The following IKBKB variants were observed in gnomAD, a reference collection of about 807,000 sequenced individuals.
IKBKB encodes the protein inhibitor of nuclear factor kappa-B kinase subunit beta.
IKBKB carries 42 observed loss-of-function variants against 113.6 expected under a neutral mutation model. That is an observed-to-expected ratio of 0.37 (90% CI 0.29 to 0.48). IKBKB has a LOEUF of 0.48. IKBKB is among the 20% of genes least tolerant of loss of function. The pLI is 0.99. For missense variants in IKBKB, 673 were observed against 939.7 expected (o/e 0.72, Z 3.71); for synonymous variants, 296 against 361.3 (o/e 0.82, Z 2.05).
At chr8:42,302,196 T>C (rs754526995) in intron 5 of IKBKB, among the ~76,000 whole-genome samples, 1 of 152,226 alleles carries the variant, frequency 6.6e-6, no homozygotes, top group African/African-American at 2.4e-5. Context: ...ATTTAATTTA[T>C]TATGCTTTTT....
intron 19 of IKBKB, 125 bp from the exon 20 acceptor site, chr8:42,325,845 G>A: frequency 6.7e-7 from 1 of 1,501,460 alleles, no homozygotes; most frequent in Non-Finnish European, 8.8e-7. Flanking sequence ...GTGCCAACTG[G>A]TAGGCTGTAG....
chr8:42,271,614 C>T (rs1193772198), intron 1 of IKBKB, 145 bp downstream of exon 1: 5 of 544,830 alleles, frequency 9.2e-6, no homozygotes, highest in Admixed American at 3.7e-5. Context: ...GGTTGGAGTT[C>T]GGGAAGCCGG....
At position 42,319,213 on chromosome 8, in the gene IKBKB, G is replaced by A. The variant is rs1819295883; in HGVS notation, c.1365-57G>A. The A allele has an allele frequency of 1.5e-5, 23 of 1,547,622 alleles. 2 individuals carry two copies. The South Asian group carries it at 2.6e-4, about 17-fold the overall frequency. On this transcript the variant is annotated intron_variant, in intron 13 of 21. Transcript: ENST00000520810. ...TTTGAGGGGGTTTTGTTATTGTACA[G>A]GAAATGGAATTTGGATCCCAGAGAT...
chr8:42,314,774 CAAA>C (rs915998732), intron 9 of IKBKB, among the ~76,000 whole-genome samples: 5 of 112,792 alleles, frequency 4.4e-5, no homozygotes, highest in Non-Finnish European at 3.7e-5. Context: ...GACTCCATCT[CAAA>C]AAAAAAAAAA....
intron 21 of IKBKB, chr8:42,329,631 G>A (rs1821428840): frequency 2.0e-6 from 2 of 984,718 alleles, no homozygotes; most frequent in Non-Finnish European, 1.2e-6. Flanking sequence ...TTCCGATGAT[G>A]AGGAAGAAGG....
chr8:42,298,024 G>T, intron 5 of IKBKB: 1 of 905,136 alleles, frequency 1.1e-6, no homozygotes, highest in Non-Finnish European at 1.3e-6. Flanking sequence ...ATGTGGAGCA[G>T]CTGGAAATGA....
rs143150662 is a variant in IKBKB at position 42,323,577 on chromosome 8, A to T, written c.1986+1083A>T. Among the ~76,000 whole-genome samples the T allele has an allele frequency of 3.4e-3, 518 of 152,232 alleles. 2 individuals are homozygous for T. Among genetic ancestry groups the T allele is most frequent in the African/African-American group, 0.011 (448 of 41,554 alleles). On this transcript the variant is annotated intron_variant, in intron 19 of 21. Transcript: ENST00000520810. ...TTCCCTTAAGAGCAAAGGGAAGGAG[A>T]GAGGGAGATGGTTGCTCATGGTGGA...
chr8:42,300,827 G>A (rs756999189), intron 5 of IKBKB, among the ~76,000 whole-genome samples: 21 of 152,142 alleles, frequency 1.4e-4, no homozygotes, highest in Non-Finnish European at 2.6e-4. Flanking sequence ...TGTTTTTCCT[G>A]CATACACTGC....
At chr8:42,322,235 C>T (rs891134121) in intron 18 of IKBKB, 82 bp downstream of exon 18, 42 of 1,550,190 alleles carry the variant, frequency 2.7e-5, no homozygotes, top group African/African-American at 2.3e-4. Flanking sequence ...CTCTCTGATT[C>T]GCTGGACCTC....
chr8:42,321,853 T>C lies in IKBKB; in HGVS notation c.1689-43T>C, dbSNP rs142947392. ...ACCAAAAAAATGTAAAAATTAGCCA[T>C]ATTTGACCTCAAGTCTAGACAGAAC... On this transcript the variant is annotated intron_variant, in intron 16 of 21. Transcript: ENST00000520810. 372 of 1,445,478 alleles carry C rather than the reference T, an allele frequency of 2.6e-4. 3 individuals are homozygous for C. The African/African-American group carries it at 4.4e-3, about 17-fold the overall frequency. 89.5% of individuals were successfully genotyped at this position (1,445,478 alleles called of 1,614,324 possible).
intron 5 of IKBKB, among the ~76,000 whole-genome samples, chr8:42,301,029 T>G (rs1419375155): frequency 6.6e-6 from 1 of 151,996 alleles, no homozygotes; most frequent in African/African-American, 2.4e-5. Flanking sequence ...AATTAAAATT[T>G]TTTTTTTTGT....
Position 42,331,169 on chromosome 8 carries a change from C to T in IKBKB, c.*190C>T, listed in dbSNP as rs201032413. Reference sequence around the variant, plus strand: ...GTCTCTGGTATCCAGATGGAGCTCTCGCTTCCTCAGCAGCTGTGACTTTCA... The same window carrying T: ...GTCTCTGGTATCCAGATGGAGCTCTTGCTTCCTCAGCAGCTGTGACTTTCA... On this transcript the variant is annotated 3_prime_UTR_variant, in exon 22 of 22. Transcript: ENST00000520810. The T allele has an allele frequency of 9.1e-6, 8 of 877,880 alleles. No individual in the cohort carries two copies. The East Asian group carries it at 1.8e-4, about 20-fold the overall frequency. 54.4% of individuals were successfully genotyped at this position (877,880 alleles called of 1,614,324 possible).
chr8:42,309,910 AATAAT>A (rs1817381554), intron 8 of IKBKB: 1 of 152,542 alleles, frequency 6.6e-6, no homozygotes, highest in Non-Finnish European at 1.5e-5. Context: ...TGATTAAAGA[AATAAT>A]GCATTGTGCA....
In IKBKB at chr8:42,272,188, A is replaced by G. The variant is rs1255966361; in HGVS notation, c.88A>G (p.Ile30Val). 2 of 1,613,974 alleles carry G rather than the reference A, an allele frequency of 1.2e-6. No individual in the cohort carries two copies. The highest frequency in any genetic ancestry group is 1.7e-5 in the Admixed American group (1 of 59,988). Residue 30 changes from isoleucine (I) to valine (V), a missense_variant, in exon 2 of 22, where the codon ATC becomes GTC. Ile to Val is a conservative substitution (Grantham distance 29). Around this residue, in one of 2 missense-constraint regions of IKBKB, gnomAD observed 167 missense variants for 301.0 expected, o/e 0.55. Coordinates refer to ENST00000520810, the MANE Select transcript of IKBKB (RefSeq NM_001556.3). ...RLGTGGFGNVIRWHNQETGEQ... is the reference protein window; with the variant it reads ...RLGTGGFGNVVRWHNQETGEQ... ...TGGGACAGGGGGATTTGGAAATGTC[A>G]TCCGATGGCACAATCAGGTAGGCCC... is the stretch of plus-strand genomic sequence containing the variant.
At chr8:42,314,223 T>C in intron 8 of IKBKB, 99 bp from the exon 9 acceptor site, 1 of 850,674 alleles carries the variant, frequency 1.2e-6, no homozygotes, top group Non-Finnish European at 2.0e-6. Context: ...GTTTGTGTTA[T>C]GTTCACACAA....
chr8:42,274,784 G>GCCCCCCC (rs1563290444), intron 2 of IKBKB, among the ~76,000 whole-genome samples: 1 of 41,650 alleles, frequency 2.4e-5, no homozygotes, highest in Non-Finnish European at 9.5e-5. Context: ...CCCCGCCGGC[G>GCCCCCCC]CGCCCCCCCC....
chr8:42,289,477 T>C (rs1045731624), intron 3 of IKBKB, among the ~76,000 whole-genome samples: 3 of 152,232 alleles, frequency 2.0e-5, no homozygotes, highest in South Asian at 2.1e-4. Flanking sequence ...CGTTCTCTGC[T>C]GTCATGCTGT....
chr8:42,292,138 T>C (rs536157416), intron 4 of IKBKB, among the ~76,000 whole-genome samples: 2 of 152,284 alleles, frequency 1.3e-5, no homozygotes, highest in Non-Finnish European at 1.5e-5. Context: ...TTTCTCCTTA[T>C]TTTTCTAACC....
intron 11 of IKBKB, chr8:42,317,137 C>T (rs1585765196): frequency 1.7e-6 from 1 of 571,946 alleles, no homozygotes; most frequent in African/African-American, 1.9e-5. Context: ...GGTCTCTTGC[C>T]TTTATTGCAA....
Sources: allele counts gnomAD v4.1 joint callset (sites outside exome capture counted in the v4.1 genomes callset), GRCh38; gene constraint gnomAD v4.1.1; regional missense constraint gnomAD v4.1.1; transcripts MANE v1.5; gene names NCBI Gene and HGNC (gene_info 2026-07-23, HGNC 2026-07-21).